The following CACNB4 variants were observed in gnomAD, a reference collection of about 807,000 sequenced individuals.
The protein encoded by CACNB4 is voltage-dependent L-type calcium channel subunit beta-4.
Under a neutral mutation model 71.2 loss-of-function variants are expected in CACNB4, and 32 were observed. The observed-to-expected ratio is 0.45, with a 90% CI of 0.34 to 0.60. The LOEUF is 0.60. CACNB4 is among the 20% of genes least tolerant of loss of function. The pLI is 0.01. For synonymous variants in CACNB4, 231 were observed against 236.9 expected (o/e 0.97, Z 0.23); for missense variants, 464 against 647.9 (o/e 0.72, Z 3.08).
chr2:151,958,277 T>C (rs927341333), intron 2 of CACNB4, among the ~76,000 whole-genome samples: 2 of 152,172 alleles, frequency 1.3e-5, no homozygotes, highest in African/African-American at 2.4e-5. Flanking sequence ...CATGGCATAA[T>C]AGGGTATATG....
chr2:151,867,846 A>G lies in CACNB4; in HGVS notation c.758+1331T>C, dbSNP rs368150569. On this transcript the variant is annotated intron_variant, in intron 9 of 13. Transcript: ENST00000539935. Reference sequence around the variant, plus strand: ...GACAGAGGGAACAAACTTTCTGCCCAATTCTCCCCTCCCCCAACTCTATCC... The same window carrying G: ...GACAGAGGGAACAAACTTTCTGCCCGATTCTCCCCTCCCCCAACTCTATCC... 6.6e-5 allele frequency: 10 copies of G among 152,278 alleles called. No individual in the cohort carries two copies. In the East Asian group the frequency reaches 1.9e-3, roughly 29 times the overall value. The allele number at this position is 152,278 out of a possible 1,614,324, so 9.4% of individuals were successfully genotyped here.
At chr2:151,899,558 G>A (rs1191055253) in intron 2 of CACNB4, among the ~76,000 whole-genome samples, 1 of 152,166 alleles carries the variant, frequency 6.6e-6, no homozygotes, top group Non-Finnish European at 1.5e-5. Context: ...TAACTTCACA[G>A]TATAGCTTTA....
chr2:151,860,920 C>T (rs1429536997), intron 9 of CACNB4, 100 bp from the exon 10 acceptor site: 4 of 747,946 alleles, frequency 5.3e-6, no homozygotes, highest in South Asian at 3.1e-5. Flanking sequence ...TTACATGCTA[C>T]AGGGGAACCA....
intron 4 of CACNB4, among the ~76,000 whole-genome samples, chr2:151,877,604 CTA>C (rs778461963): frequency 2.6e-4 from 39 of 152,182 alleles, no homozygotes; most frequent in Non-Finnish European, 4.0e-4. Context: ...TATCTGTGGT[CTA>C]ATCTCACTGG....
intron 2 of CACNB4, among the ~76,000 whole-genome samples, chr2:152,022,864 C>G (rs1377153977): frequency 6.6e-6 from 1 of 152,120 alleles, no homozygotes; most frequent in Non-Finnish European, 1.5e-5. Flanking sequence ...CCCAGATGAT[C>G]AGGGTAAAGG....
intron 2 of CACNB4, among the ~76,000 whole-genome samples, chr2:152,009,666 C>G (rs1054786610): frequency 6.6e-6 from 1 of 152,154 alleles, no homozygotes; most frequent in Non-Finnish European, 1.5e-5. Flanking sequence ...CAGGAAGTAA[C>G]CTTTGTGCCA....
chr2:151,853,796 T>C (rs2099839616), intron 11 of CACNB4: 1 of 331,830 alleles, frequency 3.0e-6, no homozygotes, highest in Non-Finnish European at 5.4e-6. Flanking sequence ...ATCCTAGATT[T>C]TTCCCAGAGA....
At position 151,837,419 on chromosome 2, in the gene CACNB4, G is replaced by A. The variant is rs1401253566; in HGVS notation, c.*1700C>T. 6.6e-6 allele frequency: 1 copy of A among 151,942 alleles called. No homozygotes were observed. Among genetic ancestry groups the A allele is most frequent in the African/African-American group, 2.4e-5 (1 of 41,412 alleles). The allele number at this position is 151,942 out of a possible 1,614,324, so 9.4% of individuals were successfully genotyped here. ...CAGTAATGTGGAACTTATTTCCATG[G>A]TCAAGAAGATTACTGAACTGGTGCA... On this transcript the variant is annotated 3_prime_UTR_variant, in exon 14 of 14. Coordinates refer to ENST00000539935, the MANE Select transcript of CACNB4 (RefSeq NM_000726.5).
At chr2:151,918,808 C>G (rs907140519) in intron 2 of CACNB4, among the ~76,000 whole-genome samples, 1 of 152,234 alleles carries the variant, frequency 6.6e-6, no homozygotes, top group Non-Finnish European at 1.5e-5. Flanking sequence ...ATAGGCAGAA[C>G]TGACAAAGGC....
chr2:151,841,462 C>A (rs1051264582), intron 13 of CACNB4, among the ~76,000 whole-genome samples: 2 of 151,736 alleles, frequency 1.3e-5, no homozygotes, highest in African/African-American at 4.8e-5. Context: ...TGCCTGTAGT[C>A]CCAGCTATTT....
rs897659121 is a variant in CACNB4, at chr2:152,084,692, C to T, written c.147+13638G>A. Reference sequence around the variant, plus strand: ...TGGCACAATCATAGCTCACTGCAGCCTCAACCTCCTAGGCTCAAGCAATCC... The same window carrying T: ...TGGCACAATCATAGCTCACTGCAGCTTCAACCTCCTAGGCTCAAGCAATCC... On this transcript the variant is annotated intron_variant, in intron 2 of 13. Coordinates refer to ENST00000539935, the MANE Select transcript of CACNB4 (RefSeq NM_000726.5). Among the ~76,000 whole-genome samples, 55 of 152,166 alleles carry T rather than the reference C, an allele frequency of 3.6e-4. 1 individual carries two copies. The highest frequency in any genetic ancestry group is 5.9e-4 in the Non-Finnish European group (40 of 68,018).
At chr2:152,002,078 T>C (rs1466435112) in intron 2 of CACNB4, among the ~76,000 whole-genome samples, 1 of 152,206 alleles carries the variant, frequency 6.6e-6, no homozygotes, top group Non-Finnish European at 1.5e-5. Context: ...AACCTTTCCG[T>C]GTGTGCTTCA....
intron 2 of CACNB4, among the ~76,000 whole-genome samples, chr2:152,080,749 G>A (rs1041991101): frequency 1.3e-5 from 2 of 152,140 alleles, no homozygotes; most frequent in Non-Finnish European, 2.9e-5. Context: ...TAGAGGCAGG[G>A]CTTACCTAGT....
chr2:152,049,328 C>G (rs570036539), intron 2 of CACNB4, among the ~76,000 whole-genome samples: 1 of 152,116 alleles, frequency 6.6e-6, no homozygotes, highest in East Asian at 1.9e-4. Context: ...CCAGTACTGG[C>G]TAATTTTTTT....
At chr2:151,983,407 C>G (rs1195043321) in intron 2 of CACNB4, among the ~76,000 whole-genome samples, 1 of 152,088 alleles carries the variant, frequency 6.6e-6, no homozygotes, top group Non-Finnish European at 1.5e-5. Flanking sequence ...AGCACTAAGT[C>G]CAAAGCCTTT....
chr2:151,971,449 G>T, intron 2 of CACNB4: 1 of 701,414 alleles, frequency 1.4e-6, no homozygotes, highest in South Asian at 1.5e-5. Flanking sequence ...TATATTCTCG[G>T]ACTGCAGCTA....
At chr2:152,051,844 C>T (rs1198612231) in intron 2 of CACNB4, among the ~76,000 whole-genome samples, 1 of 152,180 alleles carries the variant, frequency 6.6e-6, no homozygotes, top group Non-Finnish European at 1.5e-5. Flanking sequence ...AATCACTAAC[C>T]GTTCTGTCTC....
chr2:152,094,463 A>G (rs1475405561), intron 2 of CACNB4, among the ~76,000 whole-genome samples: 1 of 152,178 alleles, frequency 6.6e-6, no homozygotes, highest in Non-Finnish European at 1.5e-5. Flanking sequence ...AAGTCAACAA[A>G]CTATTCCCAC....
chr2:151,944,965 CA>C (rs1280812281), intron 2 of CACNB4, among the ~76,000 whole-genome samples: 2 of 152,128 alleles, frequency 1.3e-5, no homozygotes, highest in African/African-American at 4.8e-5. Flanking sequence ...AAGAAAATGG[CA>C]TAATACATTA....
Sources: gnomAD v4.1 joint callset for allele counts (sites outside exome capture counted in the v4.1 genomes callset) on GRCh38, gnomAD v4.1.1 for gene constraint, MANE v1.5 for transcripts, NCBI Gene and HGNC (gene_info 2026-07-23, HGNC 2026-07-21) for gene names.